Variants in ZNF215 observed in about 807,000 individuals in gnomAD.
The protein encoded by ZNF215 is zinc finger protein 215, also known as BWSCR2-associated zinc finger protein 2.
In ZNF215, 24 loss-of-function variants were observed where a neutral mutation model predicts 27.2. The observed-to-expected ratio is 0.88, with a 90% CI of 0.64 to 1.24. The LOEUF is 1.24. Among genes scored for constraint, ZNF215 ranks in the 50% most tolerant of loss-of-function variants. The pLI is 0.00. For missense variants in ZNF215, 675 were observed against 605.7 expected, an observed-to-expected ratio of 1.11 and a Z score of -1.20; for synonymous variants, 210 against 204.0, an observed-to-expected ratio of 1.03 and a Z score of -0.25.
At chr11:6,976,941 G>T (rs905930949) in intron 5 of ZNF215, among the ~76,000 whole-genome samples, 1 of 151,952 alleles carries the variant, frequency 6.6e-6, no homozygotes, top group East Asian at 1.9e-4. Context: ...TGGCAGCATC[G>T]TGCTGTCTCT....
chr11:6,987,318 A>G (rs1236398247), downstream of ZNF215, among the ~76,000 whole-genome samples: 1 of 152,186 alleles, frequency 6.6e-6, no homozygotes, highest in Admixed American at 6.5e-5. Flanking sequence ...GGAGCTAAAC[A>G]TTGGGTACAC....
At chr11:6,941,026 G>A (rs1428688271) in intron 3 of ZNF215, among the ~76,000 whole-genome samples, 1 of 152,164 alleles carries the variant, frequency 6.6e-6, no homozygotes, top group African/African-American at 2.4e-5. Flanking sequence ...TCACTGAATG[G>A]CTGGATAAGA....
downstream of ZNF215, among the ~76,000 whole-genome samples, chr11:6,959,091 C>A (rs1044920538): frequency 2.6e-5 from 4 of 152,148 alleles, no homozygotes; most frequent in Admixed American, 2.0e-4. Context: ...CAATATTAAT[C>A]ATCACATATT....
rs1418282795 is a variant in ZNF215, at chr11:6,957,149, T to C, written c.*618T>C. On this transcript the variant is annotated 3_prime_UTR_variant, in exon 7 of 7. Transcript: ENST00000278319. ...AAGTATGTATTGCTGTTAATCTATATGTATTCTTAAAATCTGCATTTGTTT... is the reference window on the plus strand; with the variant it reads ...AAGTATGTATTGCTGTTAATCTATACGTATTCTTAAAATCTGCATTTGTTT... The C allele has an allele frequency of 3.2e-5, 32 of 985,460 alleles. No individual in the cohort carries two copies. In the East Asian group the frequency reaches 2.3e-3, roughly 70 times the overall value. 61.0% of individuals were successfully genotyped at this position (985,460 alleles called of 1,614,324 possible). A position where few individuals can be genotyped will look rare whatever the true frequency, so the allele number is the denominator to read the frequency against.
At chr11:6,982,572 G>C (rs1850978583) in intron 5 of ZNF215, among the ~76,000 whole-genome samples, 2 of 152,080 alleles carry the variant, frequency 1.3e-5, no homozygotes, top group Admixed American at 6.6e-5. Flanking sequence ...AGACCACAAT[G>C]CAATCAAACT....
rs79119267 is a variant in ZNF215, at chr11:6,956,952, A to G, written c.*421A>G. 2.3e-3 allele frequency: 2,253 copies of G among 991,140 alleles called. 45 individuals carry two copies. The African/African-American group carries it at 0.037, about 16-fold the overall frequency. The allele number at this position is 991,140 out of a possible 1,614,324, so 61.4% of individuals were successfully genotyped here. ...ACTCAGCCCTTTTAAGAAGGTCACAAGAAATCATTAGCTCATGCGAATATA... is the reference window on the plus strand; with the variant it reads ...ACTCAGCCCTTTTAAGAAGGTCACAGGAAATCATTAGCTCATGCGAATATA... On this transcript the variant is annotated 3_prime_UTR_variant, in exon 7 of 7. Coordinates refer to ENST00000278319, the MANE Select transcript of ZNF215 (RefSeq NM_013250.4).
chr11:6,928,471 T>C (rs531985199), intron 2 of ZNF215, among the ~76,000 whole-genome samples: 2 of 152,326 alleles, frequency 1.3e-5, no homozygotes, highest in South Asian at 4.1e-4. Context: ...TTTCCTCTAA[T>C]GTATTTGTGC....
downstream of ZNF215, among the ~76,000 whole-genome samples, chr11:6,985,159 A>G (rs1342360191): frequency 8.5e-5 from 13 of 152,270 alleles, no homozygotes; most frequent in Non-Finnish European, 1.6e-4. Context: ...ACAAAATACT[A>G]ACAAACCAAA....
chr11:6,979,917 TATTTA>T (rs1850912808), intron 5 of ZNF215, among the ~76,000 whole-genome samples: 1 of 151,732 alleles, frequency 6.6e-6, no homozygotes. Flanking sequence ...TTTAAAAGCT[TATTTA>T]TTTTATTTTG....
intron 5 of ZNF215, among the ~76,000 whole-genome samples, chr11:6,969,233 G>C (rs1850677723): frequency 6.6e-6 from 1 of 151,950 alleles, no homozygotes; most frequent in African/African-American, 2.4e-5. Context: ...TGCTTCCAAG[G>C]ATAAACTTGT....
downstream of ZNF215, among the ~76,000 whole-genome samples, chr11:6,992,143 GAGA>G (rs2133367344): frequency 6.6e-6 from 1 of 152,324 alleles, no homozygotes; most frequent in South Asian, 2.1e-4. Context: ...TGTGAAGAGG[GAGA>G]AGTCCTGAAA....
At chr11:6,963,555 A>T (rs1022666526) in intron 5 of ZNF215, among the ~76,000 whole-genome samples, 2 of 152,094 alleles carry the variant, frequency 1.3e-5, no homozygotes, top group Non-Finnish European at 2.9e-5. Flanking sequence ...AGACATTTGG[A>T]TTGTTGCCAG....
intron 2 of ZNF215, among the ~76,000 whole-genome samples, chr11:6,928,749 T>TA (rs1348381583): frequency 6.6e-6 from 1 of 152,238 alleles, no homozygotes; most frequent in African/African-American, 2.4e-5. Flanking sequence ...CCATTTATGT[T>TA]ACTTTCAAAG....
rs147375270 is a variant in ZNF215 at position 6,926,632 on chromosome 11, C to G, written c.-379C>G. Reference sequence around the variant, plus strand: ...GTTGCAGCGTGATTACCAACGCCAGCTCCCTTCACTGTCCAAGACAGCGAT... The same window carrying G: ...GTTGCAGCGTGATTACCAACGCCAGGTCCCTTCACTGTCCAAGACAGCGAT... On this transcript the variant is annotated 5_prime_UTR_variant, in exon 1 of 7. Transcript: ENST00000278319. The G allele has an allele frequency of 5.3e-3, 809 of 152,396 alleles. 5 individuals carry two copies. The highest frequency in any genetic ancestry group is 0.023 in the Middle Eastern group (7 of 298). 9.4% of individuals were successfully genotyped at this position (152,396 alleles called of 1,614,324 possible).
At chr11:6,958,104 A>C (rs1407865523), downstream of ZNF215, 5 of 970,856 alleles carry the variant, frequency 5.2e-6, no homozygotes. Context: ...GCCCTACATA[A>C]GTAATTGATA....
chr11:6,968,279 G>T (rs919973809), intron 5 of ZNF215, among the ~76,000 whole-genome samples: 14 of 152,150 alleles, frequency 9.2e-5, no homozygotes, highest in Admixed American at 7.9e-4. Flanking sequence ...CTCTTTTGTG[G>T]TTCCATATGA....
intron 3 of ZNF215, among the ~76,000 whole-genome samples, chr11:6,935,289 A>G (rs1185728589): frequency 6.6e-6 from 1 of 152,228 alleles, no homozygotes; most frequent in Non-Finnish European, 1.5e-5. Context: ...TTCAAGTGCT[A>G]CACAAGAAAG....
chr11:6,976,994 C>T (rs921532674), intron 5 of ZNF215, among the ~76,000 whole-genome samples: 11 of 152,008 alleles, frequency 7.2e-5, no homozygotes, highest in African/African-American at 2.7e-4. Context: ...CTCTAGCTGG[C>T]ATTCCTGGGC....
intron 5 of ZNF215, among the ~76,000 whole-genome samples, chr11:6,967,189 T>A (rs1005304370): frequency 6.6e-6 from 1 of 152,228 alleles, no homozygotes; most frequent in African/African-American, 2.4e-5. Flanking sequence ...ATATGCCACA[T>A]TTTCTTTATC....
Sources: allele counts gnomAD v4.1 joint callset (sites outside exome capture counted in the v4.1 genomes callset), GRCh38; gene constraint gnomAD v4.1.1; transcripts MANE v1.5; gene names NCBI Gene and HGNC (gene_info 2026-07-23, HGNC 2026-07-21).